DCAF5: variants seen among roughly 807,000 people sequenced by gnomAD.
The protein encoded by DCAF5 is DDB1- and CUL4-associated factor 5.
In DCAF5, 9 loss-of-function variants were observed where a neutral mutation model predicts 80.7. The observed-to-expected ratio is 0.11, with a 90% CI of 0.07 to 0.19. The LOEUF is 0.19. DCAF5 is among the 10% of genes least tolerant of loss of function. The pLI, the probability that DCAF5 is intolerant of heterozygous loss-of-function variation, is 1.00. For missense variants in DCAF5, 842 were observed against 1,205.7 expected, an observed-to-expected ratio of 0.70 and a Z score of 4.47; for synonymous variants, 433 against 461.9, an observed-to-expected ratio of 0.94 and a Z score of 0.80.
At position 69,153,107 on chromosome 14, in the gene DCAF5, C is replaced by G; in HGVS notation, c.-129G>C. ...TGGTTCTTTAACCAGCCATGGCAGG[C>G]AGAGCGAGGTGTGCAGACACTCGGC... On this transcript the variant is annotated 5_prime_UTR_variant, in exon 1 of 9. Transcript: ENST00000341516. 1 of 700,522 alleles carries G rather than the reference C, an allele frequency of 1.4e-6. No homozygotes were observed. The highest frequency in any genetic ancestry group is 2.5e-5 in the South Asian group (1 of 39,590). 43.4% of individuals were successfully genotyped at this position (700,522 alleles called of 1,614,324 possible). A position where few individuals can be genotyped will look rare whatever the true frequency, so the allele number is the denominator to read the frequency against.
rs79640156 is a variant in DCAF5, at chr14:69,148,378, A to T, written c.214+4387T>A. 8.7e-3 allele frequency among the ~76,000 whole-genome samples: 1,324 copies of T among 152,274 alleles called. 16 individuals are homozygous for T. The highest frequency in any genetic ancestry group is 0.028 in the African/African-American group (1,182 of 41,544). On this transcript the variant is annotated intron_variant, in intron 1 of 8. Coordinates refer to ENST00000341516, the MANE Select transcript of DCAF5 (RefSeq NM_003861.3). ...ATTCTAAGAAGAGACTACAATCATC[A>T]AGTATAAGCTAGTCTTTATAAAAAG...
intron 6 of DCAF5, chr14:69,084,862 C>G (rs1482681801): frequency 1.7e-6 from 2 of 1,193,856 alleles, no homozygotes; most frequent in Non-Finnish European, 2.5e-6. Context: ...CTGAAGTCAA[C>G]TGGATTGTTC....
At chr14:69,095,550 TAC>T (rs71102626) in intron 5 of DCAF5, among the ~76,000 whole-genome samples, 3 of 151,130 alleles carry the variant, frequency 2.0e-5, no homozygotes, top group African/African-American at 4.9e-5. Context: ...TTTTTTTAAG[TAC>T]ACACACACAC....
intron 6 of DCAF5, among the ~76,000 whole-genome samples, chr14:69,078,226 A>G (rs901890559): frequency 6.6e-6 from 1 of 152,252 alleles, no homozygotes; most frequent in African/African-American, 2.4e-5. Flanking sequence ...ACTTGAACAG[A>G]CATTTCTCCA....
At chr14:69,144,159 T>G (rs956866703) in intron 1 of DCAF5, among the ~76,000 whole-genome samples, 1 of 152,064 alleles carries the variant, frequency 6.6e-6, no homozygotes, top group African/African-American at 2.4e-5. Context: ...ACACTACAGG[T>G]AACGCTGGCT....
chr14:69,146,097 C>T (rs988360343), intron 1 of DCAF5, among the ~76,000 whole-genome samples: 2 of 152,200 alleles, frequency 1.3e-5, no homozygotes, highest in African/African-American at 4.8e-5. Context: ...AAAGCACGTG[C>T]TTGTACCTGG....
chr14:69,142,472 C>A (rs2041406837), intron 1 of DCAF5, among the ~76,000 whole-genome samples: 1 of 152,196 alleles, frequency 6.6e-6, no homozygotes, highest in African/African-American at 2.4e-5. Context: ...GAAATGCCTT[C>A]TTTTCCACAG....
intron 5 of DCAF5, among the ~76,000 whole-genome samples, chr14:69,105,914 CATATATATATATAT>C (rs35075766): frequency 0.19 from 9,477 of 50,018 alleles, 1,840 homozygotes; most frequent in African/African-American, 0.36. Flanking sequence ...AATAAACTGT[CATATATATATATAT>C]ATATATATAT....
At chr14:69,060,498 G>A (rs559996113) in intron 8 of DCAF5, among the ~76,000 whole-genome samples, 3 of 151,944 alleles carry the variant, frequency 2.0e-5, no homozygotes, top group Admixed American at 1.3e-4. Context: ...TGGACTAAGG[G>A]CAAATAAAAA....
In DCAF5 at chr14:69,147,528, G is replaced by C. The variant is rs375500690; in HGVS notation, c.214+5237C>G. On this transcript the variant is annotated intron_variant, in intron 1 of 8. Transcript: ENST00000341516. The stretch of plus-strand genomic sequence containing the variant: ...TAAGTGACCTGTCAAAAGCAACCCA[G>C]GTACCAAGCAGCTGGGTTGGTGTTC... Among the ~76,000 whole-genome samples, 4 of 152,240 alleles carry C rather than the reference G, an allele frequency of 2.6e-5. No individual in the cohort carries two copies. In the East Asian group the frequency reaches 7.7e-4, roughly 29 times the overall value.
chr14:69,093,806 G>T (rs1385645601), intron 5 of DCAF5, among the ~76,000 whole-genome samples: 1 of 152,146 alleles, frequency 6.6e-6, no homozygotes, highest in Admixed American at 6.5e-5. Flanking sequence ...AGTAAAGAGG[G>T]AAGACTTAGA....
In DCAF5 at chr14:69,069,082, G is replaced by GT. The variant is rs540000421; in HGVS notation, c.946+6262dup. 1.4e-3 allele frequency among the ~76,000 whole-genome samples: 217 copies of GT among 152,266 alleles called. 5 individuals are homozygous for GT. In the South Asian group the frequency reaches 0.028, roughly 20 times the overall value. On this transcript the variant is annotated intron_variant, in intron 7 of 8. Transcript: ENST00000341516. ...TACTTGCAACCAATTAAAAACAGCT[G>GT]TTTTTTCCAGTTACATGGGAGGAAA... is the stretch of plus-strand genomic sequence containing the variant.
At chr14:69,063,207 T>C (rs1299157899) in intron 7 of DCAF5, among the ~76,000 whole-genome samples, 1 of 152,196 alleles carries the variant, frequency 6.6e-6, no homozygotes, top group African/African-American at 2.4e-5. Flanking sequence ...AGGACATCGA[T>C]AGAAAGCTGT....
chr14:69,132,783 A>G (rs527796998), intron 1 of DCAF5, among the ~76,000 whole-genome samples: 17 of 152,330 alleles, frequency 1.1e-4, no homozygotes, highest in East Asian at 7.7e-4. Flanking sequence ...ATAGGAAAAA[A>G]TAATAAGAAA....
At chr14:69,082,465 T>TGTTA (rs1555370880) in intron 6 of DCAF5, among the ~76,000 whole-genome samples, 1 of 151,846 alleles carries the variant, frequency 6.6e-6, no homozygotes, top group Non-Finnish European at 1.5e-5. Context: ...GAAAAAATTC[T>TGTTA]ATTAAGGAAT....
chr14:69,119,316 G>A, intron 2 of DCAF5, 86 bp from the exon 3 acceptor site: 7 of 1,325,726 alleles, frequency 5.3e-6, no homozygotes, highest in South Asian at 3.9e-5. Context: ...AGTTTTCAGG[G>A]AAAAAATATG....
chr14:69,081,045 A>C (rs1215664973), intron 6 of DCAF5, among the ~76,000 whole-genome samples: 1 of 150,740 alleles, frequency 6.6e-6, no homozygotes, highest in African/African-American at 2.5e-5. Flanking sequence ...GTAAGAGGAA[A>C]AAATAAATAA....
At chr14:69,095,862 C>G (rs79628290) in intron 5 of DCAF5, among the ~76,000 whole-genome samples, 1 of 152,140 alleles carries the variant, frequency 6.6e-6, no homozygotes. Flanking sequence ...ATTGTTTCCA[C>G]GTGAAAGCTC....
intron 1 of DCAF5, among the ~76,000 whole-genome samples, chr14:69,132,153 T>C (rs958249590): frequency 3.3e-5 from 5 of 152,216 alleles, no homozygotes; most frequent in African/African-American, 1.2e-4. Flanking sequence ...TTTGGGTATA[T>C]AACCAGAAGT....
Sources: gnomAD v4.1 joint callset for allele counts (sites outside exome capture counted in the v4.1 genomes callset) on GRCh38, gnomAD v4.1.1 for gene constraint, MANE v1.5 for transcripts, NCBI Gene and HGNC (gene_info 2026-07-23, HGNC 2026-07-21) for gene names.